COMMD8: variants seen among roughly 807,000 people sequenced by gnomAD.
COMMD8 encodes COMM domain containing 8, also known as COMM domain-containing protein 8.
In COMMD8, 28 loss-of-function variants were observed where a neutral mutation model predicts 27.2. That is an observed-to-expected ratio of 1.03 (90% confidence interval 0.76 to 1.41). COMMD8 has a LOEUF of 1.41. COMMD8 is among the 40% of genes most tolerant of loss of function. COMMD8 has a pLI of 0.00. For synonymous variants in COMMD8, 79 were observed against 75.5 expected, an observed-to-expected ratio of 1.05 and a Z score of -0.24; for missense variants, 217 against 211.2, an observed-to-expected ratio of 1.03 and a Z score of -0.17.
At position 47,456,572 on chromosome 4, in the gene COMMD8, C is replaced by G. The variant is rs774232328; in HGVS notation, c.375+5G>C. 2.1e-5 allele frequency: 33 copies of G among 1,601,158 alleles called. No individual in the cohort carries two copies. Among genetic ancestry groups the G allele is most frequent in the Non-Finnish European group, 2.7e-5 (32 of 1,174,826 alleles). On this transcript the variant is annotated splice_donor_5th_base_variant and intron_variant, in intron 3 of 4. Coordinates refer to ENST00000381571, the MANE Select transcript of COMMD8 (RefSeq NM_017845.5). The stretch of plus-strand genomic sequence containing the variant: ...TAAAAAATACACATACTCATAGACT[C>G]TTACCTTTACCTGCCAATCAAAATC...
chr4:47,460,114 G>GT, intron 2 of COMMD8, 30 bp downstream of exon 2: 1 of 1,587,834 alleles, frequency 6.3e-7, no homozygotes, highest in Non-Finnish European at 8.6e-7. Context: ...ATTATTTATT[G>GT]TAAGTTATAG....
Position 47,460,198 on chromosome 4 carries a change from T to C in COMMD8, c.168A>G (p.Glu56=). The C allele has an allele frequency of 3.1e-6, 5 of 1,613,722 alleles. No homozygotes were observed. The highest frequency in any genetic ancestry group is 4.2e-6 in the Non-Finnish European group (5 of 1,179,762). ...TGGCTTTGAAAAATTTGGCAATATC[T>C]TCTAAAACGTGCATCCATTCTTCTG... is the stretch of plus-strand genomic sequence containing the variant. ...WESEEWMHVL[E]DIAKFFKAIV... is the part of the protein sequence containing the mutation. The change falls in exon 2 of 5, where the codon GAA becomes GAG. Residue 56 remains glutamate, a synonymous_variant. Transcript: ENST00000381571.
At chr4:47,456,887 T>C (rs191923372) in intron 2 of COMMD8, among the ~76,000 whole-genome samples, 158 bp from the exon 3 acceptor site, 3 of 152,002 alleles carry the variant, frequency 2.0e-5, no homozygotes, top group Admixed American at 1.3e-4. Context: ...AACCAGAAAA[T>C]AGGTTTTAAC....
intron 3 of COMMD8, among the ~76,000 whole-genome samples, chr4:47,453,421 T>C (rs1578172150): frequency 6.6e-6 from 1 of 151,990 alleles, no homozygotes; most frequent in African/African-American, 2.4e-5. Flanking sequence ...AGGAAATCGG[T>C]AGGAAAGTAA....
At chr4:47,453,991 TA>T (rs1161766788) in intron 3 of COMMD8, among the ~76,000 whole-genome samples, 1 of 152,196 alleles carries the variant, frequency 6.6e-6, no homozygotes, top group African/African-American at 2.4e-5. Context: ...GTACATACAC[TA>T]TAGAATCAAA....
intron 3 of COMMD8, among the ~76,000 whole-genome samples, chr4:47,454,837 C>T (rs183691707): frequency 0.018 from 2,338 of 127,892 alleles, 77 homozygotes; most frequent in African/African-American, 0.067. Context: ...GCACTCCAGC[C>T]TGGGCACCAA....
intron 4 of COMMD8, 51 bp from the exon 5 acceptor site, chr4:47,451,716 G>A (rs1729758225): frequency 1.4e-6 from 2 of 1,384,604 alleles, no homozygotes; most frequent in Non-Finnish European, 2.0e-6. Flanking sequence ...GACTGATGCT[G>A]ATATATTCCA....
At chr4:47,456,864 G>A in intron 2 of COMMD8, 135 bp from the exon 3 acceptor site, 1 of 630,226 alleles carries the variant, frequency 1.6e-6, no homozygotes, top group Non-Finnish European at 2.5e-6. Flanking sequence ...AAAAGAGTAA[G>A]ATGAGAATGA....
chr4:47,450,974 G>A lies in COMMD8; in HGVS notation c.*671C>T, dbSNP rs551847055. 82 of 152,394 alleles carry A rather than the reference G, an allele frequency of 5.4e-4. No individual in the cohort carries two copies. Among genetic ancestry groups the A allele is most frequent in the African/African-American group, 1.9e-3 (79 of 41,566 alleles). 9.4% of individuals were successfully genotyped at this position (152,394 alleles called of 1,614,324 possible). A position where few individuals can be genotyped will look rare whatever the true frequency, so the allele number is the denominator to read the frequency against. On this transcript the variant is annotated 3_prime_UTR_variant, in exon 5 of 5. Coordinates refer to ENST00000381571, the MANE Select transcript of COMMD8 (RefSeq NM_017845.5). The stretch of plus-strand genomic sequence containing the variant: ...GACAGCTATTTTTTATCAGAGCAAT[G>A]TTTCCCAAACATAGAAGCGCAGAAG...
chr4:47,452,769 G>A (rs933654004), intron 4 of COMMD8, among the ~76,000 whole-genome samples: 12 of 152,252 alleles, frequency 7.9e-5, no homozygotes, highest in Admixed American at 3.3e-4. Context: ...GCCAAGGCGA[G>A]TAGATCACTT....
At chr4:47,460,925 T>C (rs1421444868) in intron 1 of COMMD8, among the ~76,000 whole-genome samples, 1 of 152,232 alleles carries the variant, frequency 6.6e-6, no homozygotes, top group African/African-American at 2.4e-5. Flanking sequence ...CATGTATAAC[T>C]GAGCATAGTG....
At position 47,456,672 on chromosome 4, in the gene COMMD8, C is replaced by A; in HGVS notation, c.280G>T (p.Val94Leu). The change falls in exon 3 of 5, where the codon GTG (valine) becomes TTG (leucine). Residue 94 changes from valine (V) to leucine (L), a missense_variant. Transcript: ENST00000381571. ...SLHQETIMKC[V>L]KSRKDEIKQA... Reference sequence around the variant, plus strand: ...TTGATTTCATCTTTCCTACTTTTCACGCATTTCATGATAGTTTCTTGATGA... The same window carrying A: ...TTGATTTCATCTTTCCTACTTTTCAAGCATTTCATGATAGTTTCTTGATGA... 3 of 1,608,534 alleles carry A rather than the reference C, an allele frequency of 1.9e-6. No homozygotes were observed. Among genetic ancestry groups the A allele is most frequent in the Non-Finnish European group, 2.5e-6 (3 of 1,177,556 alleles).
chr4:47,463,514 C>A, intron 1 of COMMD8, 72 bp downstream of exon 1: 2 of 1,446,924 alleles, frequency 1.4e-6, no homozygotes, highest in Non-Finnish European at 1.9e-6. Flanking sequence ...CGGGTCGCAC[C>A]CGGCCTGATC....
chr4:47,451,963 T>G (rs1729765575), intron 4 of COMMD8, among the ~76,000 whole-genome samples: 1 of 152,196 alleles, frequency 6.6e-6, no homozygotes, highest in Non-Finnish European at 1.5e-5. Context: ...CTACAATGTT[T>G]GAGCAAATGC....
At chr4:47,458,790 A>C (rs1729951947) in intron 2 of COMMD8, among the ~76,000 whole-genome samples, 1 of 152,100 alleles carries the variant, frequency 6.6e-6, no homozygotes, top group African/African-American at 2.4e-5. Context: ...TTCTACAGTA[A>C]TTAAAGCAGT....
intron 4 of COMMD8, among the ~76,000 whole-genome samples, chr4:47,452,402 AT>A (rs1261433648): frequency 1.3e-5 from 2 of 152,132 alleles, no homozygotes; most frequent in East Asian, 3.9e-4. Context: ...TAGGATCGTA[AT>A]TTTTTTAATC....
At chr4:47,455,305 C>T (rs1235396529) in intron 3 of COMMD8, among the ~76,000 whole-genome samples, 2 of 151,976 alleles carry the variant, frequency 1.3e-5, no homozygotes, top group South Asian at 2.1e-4. Flanking sequence ...TGTGAGCCAC[C>T]GTGCCTGGTC....
chr4:47,452,921 G>T (rs961512505), intron 4 of COMMD8, 138 bp downstream of exon 4: 3 of 620,750 alleles, frequency 4.8e-6, no homozygotes, highest in Non-Finnish European at 8.3e-6. Context: ...GCTTGAACTC[G>T]GGAGGCGGAG....
intron 1 of COMMD8, among the ~76,000 whole-genome samples, chr4:47,462,647 G>C (rs1445898928): frequency 6.6e-6 from 1 of 152,090 alleles, no homozygotes; most frequent in Non-Finnish European, 1.5e-5. Flanking sequence ...TATCTAAATG[G>C]GTAGAGTGAA....
Sources: gnomAD v4.1 joint callset for allele counts (sites outside exome capture counted in the v4.1 genomes callset) on GRCh38, gnomAD v4.1.1 for gene constraint, MANE v1.5 for transcripts, NCBI Gene and HGNC (gene_info 2026-07-23, HGNC 2026-07-21) for gene names.